The following HTT variants were observed in gnomAD, a reference collection of about 807,000 sequenced individuals.
HTT encodes huntingtin.
A neutral mutation model predicts 362.3 loss-of-function variants in HTT; 104 were observed. That is an observed-to-expected ratio of 0.29 (90% CI 0.24 to 0.34). The LOEUF (loss-of-function observed/expected upper bound fraction) is 0.34, where lower values mean the gene tolerates loss of function less well. Among genes scored for constraint, HTT ranks in the 10% least tolerant of loss-of-function variants. HTT has a pLI of 1.00. For synonymous variants in HTT, 1,577 were observed against 1,548.7 expected (o/e 1.02, Z -0.43); for missense variants, 3,301 against 3,928.6 (o/e 0.84, Z 4.27).
intron 29 of HTT, among the ~76,000 whole-genome samples, chr4:3,165,681 C>A (rs1055635979): frequency 6.6e-6 from 1 of 151,878 alleles, no homozygotes; most frequent in African/African-American, 2.4e-5. Context: ...TCACTGATAT[C>A]CTTTCTTCTG....
chr4:3,220,132 G>A (rs1720606948), intron 52 of HTT, 50 bp from the exon 53 acceptor site: 1 of 1,610,266 alleles, frequency 6.2e-7, no homozygotes, highest in Non-Finnish European at 8.5e-7. Flanking sequence ...CTCACAGTAT[G>A]TCTGTCCTGA....
intron 2 of HTT, among the ~76,000 whole-genome samples, chr4:3,093,269 A>G (rs925894805): frequency 6.6e-6 from 1 of 152,198 alleles, no homozygotes; most frequent in Admixed American, 6.5e-5. Context: ...TGGAGTGGAA[A>G]ACCTCAGCTC....
Position 3,223,334 on chromosome 4 carries a change from C to T in HTT, c.7471-72C>T. 6 of 1,429,870 alleles carry T rather than the reference C, an allele frequency of 4.2e-6. 1 individual carries two copies. The Middle Eastern group carries it at 7.4e-4, about 176-fold the overall frequency. The allele number at this position is 1,429,870 out of a possible 1,614,324, so 88.6% of individuals were successfully genotyped here. On this transcript the variant is annotated intron_variant, in intron 54 of 66. Transcript: ENST00000355072. ...CTTCCTCCCATTGAGGCAGGGAAGA[C>T]TCTGGGTTCTGCAGGCAGAGGTGGT...
rs1179588111 is a variant in HTT at position 3,241,048 on chromosome 4, C to T, written c.*989C>T. On this transcript the variant is annotated 3_prime_UTR_variant, in exon 67 of 67. Coordinates refer to ENST00000355072, the MANE Select transcript of HTT (RefSeq NM_001388492.1). Reference sequence around the variant, plus strand: ...GGCTGTGAGCAGCCTCCACTGTGTCCAGAGACATGGGCCTCCCACTCCTGT... The same window carrying T: ...GGCTGTGAGCAGCCTCCACTGTGTCTAGAGACATGGGCCTCCCACTCCTGT... 6.6e-6 allele frequency: 1 copy of T among 152,392 alleles called. No individual in the cohort carries two copies. The highest frequency in any genetic ancestry group is 1.5e-5 in the Non-Finnish European group (1 of 68,176). The allele number at this position is 152,392 out of a possible 1,614,324, so 9.4% of individuals were successfully genotyped here.
chr4:3,241,767 T>TGCTCAAAGGGAGCC lies in HTT; in HGVS notation c.*1708_*1709insGCTCAAAGGGAGCC, dbSNP rs58276479. 7 of 152,034 alleles carry TGCTCAAAGGGAGCC rather than the reference T, an allele frequency of 4.6e-5. No homozygotes were observed. The highest frequency in any genetic ancestry group is 1.7e-4 in the African/African-American group (7 of 41,344). The allele number at this position is 152,034 out of a possible 1,614,324, so 9.4% of individuals were successfully genotyped here. A position where few individuals can be genotyped will look rare whatever the true frequency, so the allele number is the denominator to read the frequency against. Reference sequence around the variant, plus strand: ...TGAGGGGGAGCTGAAAGGGAGCCCCTCCTCTGAGCAGCCTCTGCCAGGCCT... The same window carrying TGCTCAAAGGGAGCC: ...TGAGGGGGAGCTGAAAGGGAGCCCCTGCTCAAAGGGAGCCCCTCTGAGCAGCCTCTGCCAGGCCT... On this transcript the variant is annotated 3_prime_UTR_variant, in exon 67 of 67. Transcript: ENST00000355072.
In HTT at chr4:3,214,109, A is replaced by G. The variant is rs200129223; in HGVS notation, c.6926A>G (p.Tyr2309Cys). ...GTGACCCACGCCTGCTCCCTCATCT[A>G]CTGTGTGCACTTCATCCTGGAGGCC... ...EFVTHACSLIYCVHFILEAVA... is the reference protein window; with the variant it reads ...EFVTHACSLICCVHFILEAVA... The change falls in exon 50 of 67, where the codon TAC (tyrosine) becomes TGC (cysteine). Residue 2309 changes from tyrosine (Y) to cysteine (C), a missense_variant. Tyr to Cys is a radical substitution (Grantham distance 194, BLOSUM62 -2). Transcript: ENST00000355072. 6.5e-7 allele frequency: 1 copy of G among 1,549,434 alleles called. No homozygotes were observed. Among genetic ancestry groups the G allele is most frequent in the Non-Finnish European group, 8.8e-7 (1 of 1,140,026 alleles).
At chr4:3,225,960 TTC>T (rs2110291818) in intron 57 of HTT, among the ~76,000 whole-genome samples, 1 of 152,302 alleles carries the variant, frequency 6.6e-6, no homozygotes, top group South Asian at 2.1e-4. Flanking sequence ...ATGTTCTGTA[TTC>T]CAGAAAGTAG....
At position 3,116,185 on chromosome 4, in the gene HTT, G is replaced by T; in HGVS notation, c.990G>T (p.Lys330Asn). The change falls in exon 8 of 67, where the codon AAG becomes AAT. Residue 330 changes from lysine to asparagine, a missense_variant. By Grantham distance (94) the Lys-to-Asn change is moderately conservative (BLOSUM62 0). This residue lies in a region of HTT where 2,316 missense variants were observed against 2,658.5 expected (regional missense o/e 0.87). Transcript: ENST00000355072. ...TGCCCTTGCTGCAGCAGCAGGTCAA[G>T]GACACAAGCCTGAAAGGCAGCTTCG... ...YLVPLLQQQV[K>N]DTSLKGSFGV... 6.2e-7 allele frequency: 1 copy of T among 1,614,140 alleles called. No individual in the cohort carries two copies. The highest frequency in any genetic ancestry group is 8.5e-7 in the Non-Finnish European group (1 of 1,179,980).
chr4:3,118,280 T>C (rs1395068742), intron 8 of HTT, among the ~76,000 whole-genome samples: 1 of 152,210 alleles, frequency 6.6e-6, no homozygotes, highest in Non-Finnish European at 1.5e-5. Flanking sequence ...AACTATATGC[T>C]CAATTTTTTT....
At chr4:3,085,009 G>A (rs1433762958) in intron 1 of HTT, among the ~76,000 whole-genome samples, 1 of 149,484 alleles carries the variant, frequency 6.7e-6, no homozygotes, top group Non-Finnish European at 1.5e-5. Context: ...GCAAGACTCC[G>A]TCTCGGGGGA....
At chr4:3,144,272 A>G (rs1013373770) in intron 23 of HTT, among the ~76,000 whole-genome samples, 1 of 152,210 alleles carries the variant, frequency 6.6e-6, no homozygotes, top group Non-Finnish European at 1.5e-5. Flanking sequence ...TCAGAAAAAA[A>G]TAATATACAA....
chr4:3,113,408 C>T (rs1252718535), intron 6 of HTT, among the ~76,000 whole-genome samples: 1 of 152,050 alleles, frequency 6.6e-6, no homozygotes, highest in African/African-American at 2.4e-5. Flanking sequence ...CGGCTCACTG[C>T]AGCCTCCACC....
rs975986746 is a variant in HTT at position 3,240,535 on chromosome 4, A to G, written c.*476A>G. On this transcript the variant is annotated 3_prime_UTR_variant, in exon 67 of 67. Transcript: ENST00000355072. ...CCACGCCCCGTGTCTGGATGCACAG[A>G]TGCCATGGCCTGTGCTGGGCCAGTG... The G allele has an allele frequency of 4.4e-5, 8 of 183,122 alleles. No homozygotes were observed. Among genetic ancestry groups the G allele is most frequent in the Middle Eastern group, 2.6e-3 (1 of 388 alleles). The allele number at this position is 183,122 out of a possible 1,614,324, so 11.3% of individuals were successfully genotyped here. A position where few individuals can be genotyped will look rare whatever the true frequency, so the allele number is the denominator to read the frequency against.
chr4:3,214,084 G>A lies in HTT; in HGVS notation c.6901G>A (p.Val2301Met). 3.7e-6 allele frequency: 6 copies of A among 1,602,084 alleles called. No homozygotes were observed. Among genetic ancestry groups the A allele is most frequent in the Non-Finnish European group, 3.4e-6 (4 of 1,173,074 alleles). ...LWSVVSSTEF[V>M]THACSLIYCV... ...GAGCGTGGTCTCCTCCACAGAGTTT[G>A]TGACCCACGCCTGCTCCCTCATCTA... Residue 2301 changes from valine (V) to methionine (M), a missense_variant, in exon 50 of 67, where the codon GTG becomes ATG. Val to Met is a conservative substitution (Grantham distance 21). This residue lies in a region of HTT where 220 missense variants were observed against 218.5 expected (regional missense o/e 1.01). Coordinates refer to ENST00000355072, the MANE Select transcript of HTT (RefSeq NM_001388492.1).
In HTT at chr4:3,228,595, G is replaced by T; in HGVS notation, c.7849-20G>T. ...GGCACTGTGGCCGCAGCACTGAGCAGTGCCCCGTTTCTGTGGCAGGTGTCC... is the reference window on the plus strand; with the variant it reads ...GGCACTGTGGCCGCAGCACTGAGCATTGCCCCGTTTCTGTGGCAGGTGTCC... On this transcript the variant is annotated intron_variant, in intron 57 of 66. Coordinates refer to ENST00000355072, the MANE Select transcript of HTT (RefSeq NM_001388492.1). The surrounding 1 kb of genome is among the most constrained non-coding windows in gnomAD (Gnocchi z 4.3). 6.5e-7 allele frequency: 1 copy of T among 1,545,538 alleles called. No homozygotes were observed. Among genetic ancestry groups the T allele is most frequent in the South Asian group, 1.2e-5 (1 of 80,514 alleles).
In HTT at chr4:3,173,951, G is replaced by A. The variant is rs530822514; in HGVS notation, c.4167-770G>A. 9.7e-4 allele frequency among the ~76,000 whole-genome samples: 148 copies of A among 152,246 alleles called. 1 individual carries two copies. Among genetic ancestry groups the A allele is most frequent in the Non-Finnish European group, 1.9e-3 (128 of 68,008 alleles). ...CTCCCAAAGTGCTGGGATTACAGGC[G>A]TGAGCCACCGCGCCCGGCCTCTTTT... On this transcript the variant is annotated intron_variant, in intron 31 of 66. Transcript: ENST00000355072.
intron 51 of HTT, among the ~76,000 whole-genome samples, chr4:3,217,010 G>A (rs1488349908): frequency 2.0e-5 from 3 of 150,576 alleles, no homozygotes; most frequent in Non-Finnish European, 3.0e-5. Context: ...GGGCGACAGA[G>A]CAAGACTCCG....
intron 6 of HTT, among the ~76,000 whole-genome samples, chr4:3,112,846 C>G (rs1714833881): frequency 6.6e-6 from 1 of 152,194 alleles, no homozygotes; most frequent in Non-Finnish European, 1.5e-5. Context: ...AGTGCTTGTA[C>G]CAGCTCACCC....
In HTT at chr4:3,186,654, G is replaced by T; in HGVS notation, c.4924G>T (p.Ala1642Ser). ...GVLNTLFEILAPSSLRPVDML... is the reference protein window; with the variant it reads ...GVLNTLFEILSPSSLRPVDML... Reference sequence around the variant, plus strand: ...GTTAAATACATTATTTGAGATTTTGGCCCCTTCCTCCCTCCGTCCGGTAGA... The same window carrying T: ...GTTAAATACATTATTTGAGATTTTGTCCCCTTCCTCCCTCCGTCCGGTAGA... The change falls in exon 38 of 67, where the codon GCC becomes TCC. Residue 1642 changes from alanine (A) to serine (S), a missense_variant. Physicochemically the swap from Ala to Ser is moderately conservative, Grantham distance 99. Coordinates refer to ENST00000355072, the MANE Select transcript of HTT (RefSeq NM_001388492.1). 3.1e-6 allele frequency: 5 copies of T among 1,612,746 alleles called. No homozygotes were observed. The highest frequency in any genetic ancestry group is 4.2e-6 in the Non-Finnish European group (5 of 1,179,210).
Sources: gnomAD v4.1 joint callset for allele counts (sites outside exome capture counted in the v4.1 genomes callset) on GRCh38, gnomAD v4.1.1 for gene constraint, gnomAD v4.1.1 regional missense constraint, Gnocchi (gnomAD v3.1) non-coding constraint, MANE v1.5 for transcripts, NCBI Gene and HGNC (gene_info 2026-07-23, HGNC 2026-07-21) for gene names.